Variants in TEC observed in about 807,000 individuals in gnomAD.
The protein encoded by TEC is tyrosine-protein kinase Tec.
A neutral mutation model predicts 93.0 loss-of-function variants in TEC; 72 were observed. The observed-to-expected ratio is 0.77, with a 90% CI of 0.64 to 0.94. The LOEUF is 0.94. Ranked by LOEUF, TEC falls within the 40% of genes least tolerant of loss-of-function variation. The pLI, the probability that TEC is intolerant of heterozygous loss-of-function variation, is 0.00. For missense variants in TEC, 630 were observed against 757.9 expected (o/e 0.83, Z 1.98); for synonymous variants, 249 against 247.7 (o/e 1.01, Z -0.05).
chr4:48,222,636 T>C (rs552434714), intron 2 of TEC, among the ~76,000 whole-genome samples: 4 of 152,110 alleles, frequency 2.6e-5, no homozygotes, highest in East Asian at 3.9e-4. Flanking sequence ...CAACCCTGAA[T>C]AGAACAAAAG....
chr4:48,245,793 A>G lies in TEC; in HGVS notation c.-45-17134T>C, dbSNP rs1359262340. Among the ~76,000 whole-genome samples, 3 of 152,160 alleles carry G rather than the reference A, an allele frequency of 2.0e-5. No homozygotes were observed. The East Asian group carries it at 5.8e-4, about 29-fold the overall frequency. ...TAGGAAAAAAGTCTGGCTACATTAAAATAGCTGAAGAGCTACATTAAAAAC... is the reference window on the plus strand; with the variant it reads ...TAGGAAAAAAGTCTGGCTACATTAAGATAGCTGAAGAGCTACATTAAAAAC... On this transcript the variant is annotated intron_variant, in intron 1 of 17. Coordinates refer to ENST00000381501, the MANE Select transcript of TEC (RefSeq NM_003215.3).
chr4:48,219,216 CA>C (rs1723175023), intron 2 of TEC, among the ~76,000 whole-genome samples: 1 of 152,214 alleles, frequency 6.6e-6, no homozygotes, highest in Admixed American at 6.5e-5. Flanking sequence ...ACCTAGAAGG[CA>C]AGAGGTGAAC....
intron 1 of TEC, among the ~76,000 whole-genome samples, chr4:48,235,869 G>A (rs1189054274): frequency 6.6e-6 from 1 of 152,172 alleles, no homozygotes; most frequent in Non-Finnish European, 1.5e-5. Flanking sequence ...TCTGAAGTAT[G>A]TACTAGTACT....
chr4:48,226,249 T>C (rs2704421), intron 2 of TEC, among the ~76,000 whole-genome samples: 101,142 of 152,048 alleles, frequency 0.67, 33,829 homozygotes, highest in African/African-American at 0.74. Context: ...GTAAAAAAAT[T>C]GCATTTTACC....
chr4:48,268,294 G>C (rs1724691427), intron 1 of TEC, among the ~76,000 whole-genome samples: 1 of 152,236 alleles, frequency 6.6e-6, no homozygotes, highest in Non-Finnish European at 1.5e-5. Flanking sequence ...CTAGAGTAAA[G>C]CACTGACTGC....
At chr4:48,185,407 A>C in intron 2 of TEC, among the ~76,000 whole-genome samples, 1 of 152,236 alleles carries the variant, frequency 6.6e-6, no homozygotes, top group Non-Finnish European at 1.5e-5. Context: ...TTTTTTACAT[A>C]GAGCTTTCTA....
At chr4:48,228,136 T>G (rs1479247029) in intron 2 of TEC, among the ~76,000 whole-genome samples, 1 of 152,194 alleles carries the variant, frequency 6.6e-6, no homozygotes, top group Non-Finnish European at 1.5e-5. Flanking sequence ...TCATATAAAG[T>G]AATGGACTTG....
chr4:48,239,123 A>G (rs929840992), intron 1 of TEC, among the ~76,000 whole-genome samples: 1 of 152,142 alleles, frequency 6.6e-6, no homozygotes, highest in African/African-American at 2.4e-5. Flanking sequence ...AAAACTTTCT[A>G]ATGCTTTTGA....
At chr4:48,199,139 C>G (rs1722403869) in intron 2 of TEC, among the ~76,000 whole-genome samples, 1 of 152,170 alleles carries the variant, frequency 6.6e-6, no homozygotes, top group African/African-American at 2.4e-5. Context: ...AATGACAGAT[C>G]CAGATTCAGA....
intron 9 of TEC, among the ~76,000 whole-genome samples, chr4:48,154,596 A>G (rs1180798397): frequency 6.6e-6 from 1 of 152,216 alleles, no homozygotes; most frequent in East Asian, 1.9e-4. Context: ...AAGAAAAAGT[A>G]ATTTTTTCTA....
intron 2 of TEC, among the ~76,000 whole-genome samples, chr4:48,203,615 T>C (rs1050893866): frequency 2.0e-5 from 3 of 152,078 alleles, no homozygotes; most frequent in Admixed American, 2.0e-4. Flanking sequence ...AGCTCACTGA[T>C]GTATAAGTGA....
chr4:48,194,128 A>G (rs1051896300), intron 2 of TEC, among the ~76,000 whole-genome samples: 3 of 152,120 alleles, frequency 2.0e-5, no homozygotes, highest in Non-Finnish European at 4.4e-5. Flanking sequence ...AGGGTGGGAA[A>G]CCCTGTGGCA....
At chr4:48,241,566 T>TGAAA (rs1032244851) in intron 1 of TEC, among the ~76,000 whole-genome samples, 2 of 152,168 alleles carry the variant, frequency 1.3e-5, no homozygotes, top group African/African-American at 4.8e-5. Flanking sequence ...CAGCCCTTTG[T>TGAAA]GGTTCAAGTC....
chr4:48,215,835 G>GGCAGT (rs1264997788), intron 2 of TEC, among the ~76,000 whole-genome samples: 3 of 152,086 alleles, frequency 2.0e-5, no homozygotes, highest in Non-Finnish European at 4.4e-5. Context: ...CCAGAACTAA[G>GGCAGT]GCAGTGCACT....
At chr4:48,177,770 A>G (rs1333138309) in intron 2 of TEC, among the ~76,000 whole-genome samples, 2 of 152,178 alleles carry the variant, frequency 1.3e-5, no homozygotes, top group African/African-American at 2.4e-5. Flanking sequence ...TGATTGGATC[A>G]TGGCCGCAGT....
intron 1 of TEC, among the ~76,000 whole-genome samples, chr4:48,253,776 T>C (rs569856072): frequency 1.3e-5 from 2 of 152,174 alleles, no homozygotes; most frequent in Non-Finnish European, 2.9e-5. Flanking sequence ...GATTTCACCA[T>C]GTTGACCAGG....
At chr4:48,189,712 G>A (rs1722024505) in intron 2 of TEC, among the ~76,000 whole-genome samples, 1 of 152,140 alleles carries the variant, frequency 6.6e-6, no homozygotes, top group African/African-American at 2.4e-5. Flanking sequence ...TGTGGTGAAT[G>A]GAAATATACT....
intron 2 of TEC, among the ~76,000 whole-genome samples, chr4:48,188,619 T>C (rs747528421): frequency 2.0e-5 from 3 of 152,172 alleles, no homozygotes; most frequent in Non-Finnish European, 2.9e-5. Context: ...TGTATGTATG[T>C]ATGCTATACA....
intron 2 of TEC, among the ~76,000 whole-genome samples, chr4:48,223,688 C>T (rs1189464236): frequency 6.6e-6 from 1 of 152,176 alleles, no homozygotes; most frequent in Non-Finnish European, 1.5e-5. Flanking sequence ...GCTGCTGTCC[C>T]AAGAAAGGCC....
Sources: gnomAD v4.1 joint callset for allele counts (sites outside exome capture counted in the v4.1 genomes callset) on GRCh38, gnomAD v4.1.1 for gene constraint, MANE v1.5 for transcripts, NCBI Gene and HGNC (gene_info 2026-07-23, HGNC 2026-07-21) for gene names.